Variants in PEX5L observed in about 807,000 individuals in gnomAD.
The protein encoded by PEX5L is peroxisomal biogenesis factor 5 like.
In PEX5L, 30 loss-of-function variants were observed where a neutral mutation model predicts 84.0. That is an observed-to-expected ratio of 0.36 (90% CI 0.27 to 0.48). The LOEUF (loss-of-function observed/expected upper bound fraction) is 0.48. Among genes scored for constraint, PEX5L ranks in the 20% least tolerant of loss-of-function variants. PEX5L has a pLI of 0.99. For synonymous variants in PEX5L, 270 were observed against 283.1 expected (o/e 0.95, Z 0.46); for missense variants, 533 against 754.6 (o/e 0.71, Z 3.44).
intron 2 of PEX5L, among the ~76,000 whole-genome samples, chr3:179,959,146 G>GTGATGC (rs1781390243): frequency 7.1e-6 from 1 of 141,778 alleles, no homozygotes; most frequent in South Asian, 2.5e-4. Flanking sequence ...CAAGCGCCAG[G>GTGATGC]TGATGCTGAT....
chr3:179,930,815 T>A (rs764988234), intron 2 of PEX5L, among the ~76,000 whole-genome samples: 26 of 152,204 alleles, frequency 1.7e-4, no homozygotes, highest in Non-Finnish European at 3.4e-4. Context: ...TGTAGCAACA[T>A]GGAGGTAAAG....
intron 1 of PEX5L, chr3:179,973,113 T>C (rs1367193660): frequency 6.1e-6 from 7 of 1,146,182 alleles, no homozygotes; most frequent in African/African-American, 1.6e-5. Flanking sequence ...GTCTCTAATG[T>C]AAAACACTTA....
chr3:179,958,314 T>G (rs1445489188), intron 2 of PEX5L, among the ~76,000 whole-genome samples: 1 of 152,210 alleles, frequency 6.6e-6, no homozygotes, highest in Non-Finnish European at 1.5e-5. Context: ...AGCACTGCCA[T>G]GTACTGCCGC....
intron 8 of PEX5L, among the ~76,000 whole-genome samples, chr3:179,851,284 A>G (rs1030703007): frequency 6.6e-6 from 1 of 152,202 alleles, no homozygotes; most frequent in East Asian, 1.9e-4. Flanking sequence ...GAGCTGGCAG[A>G]TTAGGTGTCT....
At chr3:179,865,435 G>T (rs982949576) in intron 7 of PEX5L, among the ~76,000 whole-genome samples, 3 of 151,756 alleles carry the variant, frequency 2.0e-5, no homozygotes, top group African/African-American at 7.3e-5. Context: ...GGTGTGCTCA[G>T]ACATACAGGT....
chr3:179,835,384 A>T (rs1734578407), intron 8 of PEX5L, among the ~76,000 whole-genome samples: 1 of 152,034 alleles, frequency 6.6e-6, no homozygotes, highest in African/African-American at 2.4e-5. Flanking sequence ...AAATAAAAAC[A>T]CTTTTCTTAT....
At chr3:179,811,144 A>G (rs1305576932) in intron 11 of PEX5L, among the ~76,000 whole-genome samples, 2 of 152,154 alleles carry the variant, frequency 1.3e-5, no homozygotes, top group Non-Finnish European at 2.9e-5. Context: ...GATATTCCAA[A>G]GCTATAGGAT....
chr3:180,015,859 T>C (rs1194430715), intron 1 of PEX5L, among the ~76,000 whole-genome samples: 1 of 140,912 alleles, frequency 7.1e-6, no homozygotes, highest in African/African-American at 2.8e-5. Flanking sequence ...AATATAATAA[T>C]ATATAACATA....
At chr3:179,941,202 A>G (rs938208964) in intron 2 of PEX5L, among the ~76,000 whole-genome samples, 4 of 152,260 alleles carry the variant, frequency 2.6e-5, no homozygotes, top group Non-Finnish European at 4.4e-5. Flanking sequence ...GTGTTAAAAT[A>G]TGCATAATAT....
intron 1 of PEX5L, among the ~76,000 whole-genome samples, chr3:180,001,501 T>G (rs879163754): frequency 6.6e-6 from 1 of 151,674 alleles, no homozygotes; most frequent in East Asian, 1.9e-4. Context: ...AAATTTTTTT[T>G]TTGTTGTCAT....
chr3:179,820,105 T>G, intron 8 of PEX5L, 129 bp from the exon 9 acceptor site: 3 of 1,326,534 alleles, frequency 2.3e-6, no homozygotes, highest in Non-Finnish European at 3.1e-6. Flanking sequence ...ATCCAACTGA[T>G]AGGCGTGGCT....
intron 1 of PEX5L, among the ~76,000 whole-genome samples, chr3:180,022,323 A>C (rs963830043): frequency 2.0e-5 from 3 of 152,224 alleles, no homozygotes; most frequent in African/African-American, 7.2e-5. Flanking sequence ...AGAGCTGTGC[A>C]TATTTCCTCC....
chr3:179,846,887 C>G (rs1373664014), intron 8 of PEX5L, among the ~76,000 whole-genome samples: 1 of 152,058 alleles, frequency 6.6e-6, no homozygotes, highest in African/African-American at 2.4e-5. Context: ...TGGAACTACA[C>G]CCCAAACTCA....
chr3:179,963,548 T>C (rs1289934081), intron 2 of PEX5L, among the ~76,000 whole-genome samples: 1 of 152,134 alleles, frequency 6.6e-6, no homozygotes, highest in Admixed American at 6.6e-5. Flanking sequence ...TCTTCCTGGA[T>C]CTTAGAGACT....
chr3:179,867,200 A>G (rs528756472), intron 7 of PEX5L, among the ~76,000 whole-genome samples: 2 of 152,190 alleles, frequency 1.3e-5, no homozygotes, highest in Non-Finnish European at 2.9e-5. Context: ...ATAAGTGCTG[A>G]TTTGTGAACA....
intron 3 of PEX5L, among the ~76,000 whole-genome samples, chr3:179,896,938 T>C (rs1482556307): frequency 1.3e-5 from 2 of 152,126 alleles, no homozygotes; most frequent in Non-Finnish European, 2.9e-5. Context: ...ATGATTACCA[T>C]GTGTTATTAG....
chr3:179,993,545 G>T (rs2110383531), intron 1 of PEX5L, among the ~76,000 whole-genome samples: 1 of 152,092 alleles, frequency 6.6e-6, no homozygotes, highest in East Asian at 1.9e-4. Context: ...TGTCACCCAG[G>T]TTGGAGTGCA....
intron 1 of PEX5L, chr3:179,973,316 G>A (rs1290421022): frequency 4.8e-6 from 6 of 1,257,518 alleles, no homozygotes; most frequent in African/African-American, 1.5e-5. Context: ...GAGAACCACA[G>A]ATCTTGCCCA....
intron 2 of PEX5L, among the ~76,000 whole-genome samples, chr3:179,924,156 C>A (rs1770700201): frequency 6.6e-6 from 1 of 152,178 alleles, no homozygotes; most frequent in African/African-American, 2.4e-5. Context: ...TTGACCTAGA[C>A]CACTTCTGTG....
Sources: gnomAD v4.1 joint callset for allele counts (sites outside exome capture counted in the v4.1 genomes callset) on GRCh38, gnomAD v4.1.1 for gene constraint, MANE v1.5 for transcripts, NCBI Gene and HGNC (gene_info 2026-07-23, HGNC 2026-07-21) for gene names.